Variants in DNAAF4 observed in about 807,000 individuals in gnomAD.
The protein encoded by DNAAF4 is dynein assembly factor 4, axonemal.
DNAAF4 carries 43 observed loss-of-function variants against 51.8 expected under a neutral mutation model. The observed-to-expected ratio is 0.83, with a 90% CI of 0.65 to 1.07. DNAAF4 has a LOEUF of 1.07. DNAAF4 is among the 50% of genes least tolerant of loss of function. The pLI is 0.00. For synonymous variants in DNAAF4, 194 were observed against 165.6 expected (o/e 1.17, Z -1.32); for missense variants, 581 against 493.0 (o/e 1.18, Z -1.69).
chr15:55,446,296 C>T (rs1415511006), intron 6 of DNAAF4, among the ~76,000 whole-genome samples: 12 of 19,174 alleles, frequency 6.3e-4, no homozygotes, highest in African/African-American at 2.3e-3. Context: ...ACATCCCAGA[C>T]GGGGGGGGGG....
chr15:55,486,627 C>CA (rs945223368), intron 4 of DNAAF4, among the ~76,000 whole-genome samples: 4 of 151,874 alleles, frequency 2.6e-5, no homozygotes, highest in Non-Finnish European at 4.4e-5. Flanking sequence ...ACAAAAACTA[C>CA]AAAAAAATTA....
In DNAAF4 at chr15:55,467,093, T is replaced by C. The variant is rs760144213; in HGVS notation, c.474A>G (p.Ala158=). The C allele has an allele frequency of 3.4e-5, 52 of 1,551,544 alleles. 2 individuals carry two copies. The South Asian group carries it at 6.3e-4, about 19-fold the overall frequency. ...TTTGATATTCTTTCCAGGCTTCCAA[T>C]GCTTTAGTGGCTTTTATCCGTTCAT... is the stretch of plus-strand genomic sequence containing the variant. The part of the protein sequence containing the change: ...KENERIKATK[A]LEAWKEYQRK... The change falls in exon 5 of 10, where the codon GCA becomes GCG. Residue 158 remains alanine, a synonymous_variant. Coordinates refer to ENST00000321149, the MANE Select transcript of DNAAF4 (RefSeq NM_130810.4).
intron 4 of DNAAF4, among the ~76,000 whole-genome samples, chr15:55,478,817 C>G (rs561383655): frequency 1.3e-5 from 2 of 152,196 alleles, no homozygotes; most frequent in South Asian, 4.1e-4. Context: ...CATTAGGGGC[C>G]CAATATCGAT....
chr15:55,466,523 T>C (rs1304906823), intron 5 of DNAAF4, among the ~76,000 whole-genome samples: 1 of 152,246 alleles, frequency 6.6e-6, no homozygotes, highest in Admixed American at 6.5e-5. Context: ...CTTATAGTAC[T>C]CATTTTCCTA....
At chr15:55,458,869 C>T (rs531323052) in intron 5 of DNAAF4, among the ~76,000 whole-genome samples, 2 of 152,040 alleles carry the variant, frequency 1.3e-5, no homozygotes, top group South Asian at 2.1e-4. Context: ...GTCAGGAGTT[C>T]GAGACCAGCC....
At chr15:55,429,417 C>A (rs1226461136), downstream of DNAAF4, among the ~76,000 whole-genome samples, 4 of 150,388 alleles carry the variant, frequency 2.7e-5, no homozygotes, top group Admixed American at 6.7e-5. Flanking sequence ...CTCAGGAGGC[C>A]TGAGGCAGGA....
At chr15:55,500,999 A>C (rs1194173983) in intron 1 of DNAAF4, among the ~76,000 whole-genome samples, 1 of 143,210 alleles carries the variant, frequency 7.0e-6, no homozygotes, top group Admixed American at 6.7e-5. Flanking sequence ...TCTCAAAAAA[A>C]AAAAAAAAAA....
intron 7 of DNAAF4, among the ~76,000 whole-genome samples, chr15:55,422,432 G>A (rs1015868417): frequency 6.6e-6 from 1 of 152,168 alleles, no homozygotes; most frequent in African/African-American, 2.4e-5. Flanking sequence ...AGACTACAAA[G>A]TGTAGGTAGA....
At position 55,473,273 on chromosome 15, in the gene DNAAF4, GTA is replaced by G. The variant is rs1341835960; in HGVS notation, c.406-6114_406-6113del. Among the ~76,000 whole-genome samples, 33 of 32,592 alleles carry G rather than the reference GTA, an allele frequency of 1.0e-3. 1 individual carries two copies. The highest frequency in any genetic ancestry group is 3.2e-3 in the East Asian group (1 of 312). 21.4% of individuals were successfully genotyped at this position (32,592 alleles called of 152,430 possible). ...TGTGTATATATATGTGTATATATGT[GTA>G]TATATATGTGTATATATATGTGTAT... On this transcript the variant is annotated intron_variant, in intron 4 of 9. Transcript: ENST00000321149.
At chr15:55,442,734 T>C in intron 6 of DNAAF4, 3 of 1,563,328 alleles carry the variant, frequency 1.9e-6, no homozygotes, top group Non-Finnish European at 2.6e-6. Flanking sequence ...AAACAAAAAA[T>C]TTCTTTCCTT....
At chr15:55,446,426 C>T (rs548646629) in intron 6 of DNAAF4, among the ~76,000 whole-genome samples, 40 of 142,870 alleles carry the variant, frequency 2.8e-4, no homozygotes, top group Non-Finnish European at 4.9e-4. Flanking sequence ...ACGGGGCGGC[C>T]GGGCAGAGGC....
intron 4 of DNAAF4, 59 bp downstream of exon 4, chr15:55,491,064 A>G (rs969325265): frequency 9.4e-6 from 15 of 1,594,746 alleles, no homozygotes; most frequent in Admixed American, 5.2e-5. Context: ...GGAACTCACT[A>G]TCCTCACATA....
rs2141585794 is a variant in DNAAF4, at chr15:55,490,944, A to T, written c.405+179T>A. ...ACTCCAGCCTGGGCGACAGAGTGAG[A>T]CTCGGTCTCAAGAAAAAAAAAAACA... On this transcript the variant is annotated intron_variant, in intron 4 of 9. Coordinates refer to ENST00000321149, the MANE Select transcript of DNAAF4 (RefSeq NM_130810.4). The T allele has an allele frequency of 6.6e-6, 4 of 609,134 alleles. No homozygotes were observed. The South Asian group carries it at 9.4e-5, about 14-fold the overall frequency. 37.7% of individuals were successfully genotyped at this position (609,134 alleles called of 1,614,324 possible). A position where few individuals can be genotyped will look rare whatever the true frequency, so the allele number is the denominator to read the frequency against.
At chr15:55,439,388 G>T in intron 7 of DNAAF4, 84 bp downstream of exon 7, 1 of 1,189,484 alleles carries the variant, frequency 8.4e-7, no homozygotes, top group Non-Finnish European at 1.2e-6. Flanking sequence ...GGGATTACAG[G>T]CATGAGCCAC....
At chr15:55,418,284 C>G (rs891936265) in intron 7 of DNAAF4, 7 of 1,551,260 alleles carry the variant, frequency 4.5e-6, no homozygotes, top group Non-Finnish European at 6.1e-6. Flanking sequence ...CAACTGCCTC[C>G]TTGTGTGAAC....
intron 4 of DNAAF4, among the ~76,000 whole-genome samples, chr15:55,477,040 C>T (rs1322854106): frequency 1.3e-5 from 2 of 152,026 alleles, no homozygotes; most frequent in African/African-American, 4.8e-5. Flanking sequence ...GGCGTGGTGG[C>T]ATACGCCTGT....
intron 4 of DNAAF4, among the ~76,000 whole-genome samples, chr15:55,490,176 G>C (rs1210630889): frequency 6.6e-6 from 1 of 152,020 alleles, no homozygotes; most frequent in Admixed American, 6.6e-5. Context: ...CTTGGCCTGA[G>C]ATAAGAATTT....
intron 8 of DNAAF4, among the ~76,000 whole-genome samples, chr15:55,433,343 G>C (rs973859943): frequency 2.0e-5 from 3 of 152,190 alleles, no homozygotes; most frequent in Non-Finnish European, 2.9e-5. Flanking sequence ...GGGTGTGGTG[G>C]CTCATGCCTG....
chr15:55,447,358 A>G (rs1382245739), intron 6 of DNAAF4, among the ~76,000 whole-genome samples: 2 of 151,762 alleles, frequency 1.3e-5, no homozygotes, highest in African/African-American at 2.4e-5. Context: ...AATGTTCCTC[A>G]CTTCCTAGAT....
Sources: gnomAD v4.1 joint callset for allele counts (sites outside exome capture counted in the v4.1 genomes callset) on GRCh38, gnomAD v4.1.1 for gene constraint, MANE v1.5 for transcripts, NCBI Gene and HGNC (gene_info 2026-07-23, HGNC 2026-07-21) for gene names.